The following MAML3 variants were observed in gnomAD, a reference collection of about 807,000 sequenced individuals.
The protein encoded by MAML3 is mastermind-like protein 3.
A neutral mutation model predicts 101.9 loss-of-function variants in MAML3; 27 were observed. The ratio of observed to expected loss-of-function variants is 0.27; its 90% confidence interval spans 0.20 to 0.37. MAML3 has a LOEUF of 0.37. MAML3 is among the 10% of genes least tolerant of loss of function. The pLI is 1.00. For missense variants in MAML3, 1,316 were observed against 1,444.9 expected, an observed-to-expected ratio of 0.91 and a Z score of 1.45; for synonymous variants, 501 against 555.9, an observed-to-expected ratio of 0.90 and a Z score of 1.39.
intron 2 of MAML3, among the ~76,000 whole-genome samples, chr4:139,788,491 C>A (rs923155670): frequency 6.6e-6 from 1 of 152,158 alleles, no homozygotes; most frequent in African/African-American, 2.4e-5. Flanking sequence ...TCTATATATC[C>A]TGAAGAGAAC....
chr4:140,027,379 C>T (rs537702302), intron 1 of MAML3, among the ~76,000 whole-genome samples: 2 of 152,204 alleles, frequency 1.3e-5, no homozygotes, highest in Non-Finnish European at 2.9e-5. Flanking sequence ...CCCCTTCTCC[C>T]GTGGTATACT....
chr4:139,941,623 T>C (rs1443609116), intron 1 of MAML3, among the ~76,000 whole-genome samples: 2 of 152,110 alleles, frequency 1.3e-5, no homozygotes, highest in African/African-American at 2.4e-5. Flanking sequence ...GTAAGAATGA[T>C]AGTAATGACT....
At chr4:140,048,967 C>T (rs1045451577) in intron 1 of MAML3, among the ~76,000 whole-genome samples, 5 of 152,112 alleles carry the variant, frequency 3.3e-5, no homozygotes, top group Non-Finnish European at 7.4e-5. Context: ...ATGTGCAAAA[C>T]TGTGGGGATT....
intron 3 of MAML3, among the ~76,000 whole-genome samples, chr4:139,727,934 G>A (rs933900671): frequency 2.0e-5 from 3 of 152,162 alleles, no homozygotes; most frequent in East Asian, 3.9e-4. Flanking sequence ...ACTGAGAGCT[G>A]GCCGGGTGCC....
intron 1 of MAML3, among the ~76,000 whole-genome samples, chr4:140,047,025 T>TG (rs1263024190): frequency 3.3e-5 from 5 of 151,952 alleles, no homozygotes; most frequent in African/African-American, 1.2e-4. Context: ...GTGGCCATGG[T>TG]GTTTCGAAGG....
chr4:139,786,863 T>C, intron 2 of MAML3, among the ~76,000 whole-genome samples: 1 of 152,170 alleles, frequency 6.6e-6, no homozygotes, highest in East Asian at 1.9e-4. Flanking sequence ...GCACGATATA[T>C]TGACTTTAGG....
At chr4:139,983,654 G>A (rs1186837485) in intron 1 of MAML3, among the ~76,000 whole-genome samples, 2 of 152,294 alleles carry the variant, frequency 1.3e-5, no homozygotes, top group Admixed American at 6.5e-5. Context: ...TCAGATAGTG[G>A]AGCATTTCAG....
At chr4:140,096,898 A>AT (rs79698582) in intron 1 of MAML3, among the ~76,000 whole-genome samples, 142,462 of 151,740 alleles carry the variant, frequency 0.94, 67,513 homozygotes, top group East Asian at 1. Context: ...TATCAAGGTG[A>AT]TTTTTTTTAA....
chr4:139,847,641 G>C (rs1731473210), intron 2 of MAML3, among the ~76,000 whole-genome samples: 1 of 152,200 alleles, frequency 6.6e-6, no homozygotes, highest in Non-Finnish European at 1.5e-5. Flanking sequence ...AAGTACAGGA[G>C]GTAAAATCTT....
chr4:140,016,078 G>T (rs981494749), intron 1 of MAML3, among the ~76,000 whole-genome samples: 1 of 152,098 alleles, frequency 6.6e-6, no homozygotes, highest in African/African-American at 2.4e-5. Context: ...TAAAACTAGT[G>T]AGTCCAGCAA....
chr4:140,035,638 C>T (rs1578652940), intron 1 of MAML3, among the ~76,000 whole-genome samples: 1 of 151,678 alleles, frequency 6.6e-6, no homozygotes, highest in Non-Finnish European at 1.5e-5. Context: ...ACTAAAAATA[C>T]AAAAATTTAG....
chr4:139,883,531 G>A (rs1413837479), intron 2 of MAML3, among the ~76,000 whole-genome samples: 3 of 152,134 alleles, frequency 2.0e-5, no homozygotes, highest in Non-Finnish European at 2.9e-5. Context: ...TGAGAGGATG[G>A]GGAAGAGAAA....
intron 1 of MAML3, among the ~76,000 whole-genome samples, chr4:140,027,248 T>C (rs965103467): frequency 3.9e-5 from 6 of 152,226 alleles, no homozygotes; most frequent in African/African-American, 1.2e-4. Context: ...TGTTTCTTGC[T>C]CCAGTTGTTT....
chr4:140,055,366 C>T (rs1249450210), intron 1 of MAML3, among the ~76,000 whole-genome samples: 1 of 152,150 alleles, frequency 6.6e-6, no homozygotes, highest in African/African-American at 2.4e-5. Flanking sequence ...AGAAAAAAAT[C>T]CCAGAGCAGT....
intron 1 of MAML3, among the ~76,000 whole-genome samples, chr4:139,919,027 C>T (rs74804470): frequency 1.7e-3 from 257 of 152,240 alleles, no homozygotes; most frequent in African/African-American, 6.0e-3. Flanking sequence ...CCTATATGCA[C>T]AGTGGGGTTA....
chr4:140,047,747 T>C (rs912269325), intron 1 of MAML3, among the ~76,000 whole-genome samples: 9 of 121,362 alleles, frequency 7.4e-5, no homozygotes, highest in Non-Finnish European at 1.3e-4. Context: ...CAGCAGAAGA[T>C]GGACGCGCTG....
intron 1 of MAML3, among the ~76,000 whole-genome samples, chr4:140,023,567 CAG>C (rs1180920298): frequency 1.3e-5 from 2 of 152,192 alleles, no homozygotes; most frequent in African/African-American, 4.8e-5. Context: ...AGGAAATTTG[CAG>C]AGAATTGTTA....
At chr4:140,061,611 T>G (rs781723989) in intron 1 of MAML3, among the ~76,000 whole-genome samples, 7 of 152,178 alleles carry the variant, frequency 4.6e-5, no homozygotes, top group South Asian at 2.1e-4. Flanking sequence ...CAGTAAAAAT[T>G]TGTGCCAACC....
chr4:140,153,629 G>A lies in MAML3; in HGVS notation c.-302C>T. ...ACAAACTGAGCCAGCAGCAAATCGG[G>A]TTGCAACTCAAGGGGAGATCCGCTC... is the stretch of plus-strand genomic sequence containing the variant. On this transcript the variant is annotated 5_prime_UTR_variant, in exon 1 of 5. Coordinates refer to ENST00000509479, the MANE Select transcript of MAML3 (RefSeq NM_018717.5). The A allele has an allele frequency of 2.7e-6, 1 of 364,628 alleles. No homozygotes were observed. The highest frequency in any genetic ancestry group is 4.9e-6 in the Non-Finnish European group (1 of 204,420). The allele number at this position is 364,628 out of a possible 1,614,324, so 22.6% of individuals were successfully genotyped here.
Sources: gnomAD v4.1 joint callset for allele counts (sites outside exome capture counted in the v4.1 genomes callset) on GRCh38, gnomAD v4.1.1 for gene constraint, MANE v1.5 for transcripts, NCBI Gene and HGNC (gene_info 2026-07-23, HGNC 2026-07-21) for gene names.